Variants in DLGAP2 observed in about 807,000 individuals in gnomAD.
DLGAP2 encodes the protein DLG associated protein 2.
DLGAP2 carries 26 observed loss-of-function variants against 100.3 expected under a neutral mutation model. That is an observed-to-expected ratio of 0.26 (90% CI 0.19 to 0.36). The LOEUF (loss-of-function observed/expected upper bound fraction) is 0.36. Ranked by LOEUF, DLGAP2 falls within the 10% of genes least tolerant of loss-of-function variation. The probability of loss-of-function intolerance (pLI) is 1.00; values close to 1 mark genes in which losing one functional copy is unlikely to be tolerated. For synonymous variants in DLGAP2, 886 were observed against 630.1 expected (o/e 1.41, Z -6.08); for missense variants, 1,858 against 1,453.2 (o/e 1.28, Z -4.53).
intron 2 of DLGAP2, among the ~76,000 whole-genome samples, chr8:1,045,384 A>G (rs1802487160): frequency 1.3e-5 from 2 of 152,238 alleles, no homozygotes; most frequent in Admixed American, 1.3e-4. Flanking sequence ...TGATAAATAC[A>G]AATTGTATAT....
intron 3 of DLGAP2, among the ~76,000 whole-genome samples, chr8:1,292,533 A>T (rs1800082502): frequency 6.6e-6 from 1 of 152,220 alleles, no homozygotes; most frequent in South Asian, 2.1e-4. Flanking sequence ...TGTTCATTTT[A>T]TACCTTTGTT....
intron 1 of DLGAP2, among the ~76,000 whole-genome samples, chr8:851,772 G>T (rs1401435404): frequency 6.6e-6 from 1 of 152,176 alleles, no homozygotes; most frequent in Non-Finnish European, 1.5e-5. Flanking sequence ...CACGCCACGT[G>T]CCCCGCAGCC....
chr8:1,333,450 C>T (rs1199124972), intron 3 of DLGAP2, among the ~76,000 whole-genome samples: 1 of 152,172 alleles, frequency 6.6e-6, no homozygotes, highest in Admixed American at 6.5e-5. Flanking sequence ...GACACTTTCC[C>T]ATCCCGTCAT....
At chr8:1,259,955 A>G (rs1042593380) in intron 3 of DLGAP2, 1 of 152,212 alleles carries the variant, frequency 6.6e-6, no homozygotes, top group South Asian at 2.1e-4. Flanking sequence ...AAAGTCAGTC[A>G]CTGTACATTT....
intron 3 of DLGAP2, among the ~76,000 whole-genome samples, chr8:1,384,172 C>A (rs1292244617): frequency 6.6e-6 from 1 of 152,238 alleles, no homozygotes; most frequent in Admixed American, 6.5e-5. Flanking sequence ...TTACTGTGAC[C>A]AAAGGATTCA....
At chr8:1,669,489 A>G (rs1798634066) in intron 9 of DLGAP2, among the ~76,000 whole-genome samples, 2 of 152,236 alleles carry the variant, frequency 1.3e-5, no homozygotes, top group South Asian at 4.1e-4. Flanking sequence ...CTGGCCGTCA[A>G]GCCCTCTGCC....
chr8:1,131,658 A>G (rs1454039106), intron 2 of DLGAP2, among the ~76,000 whole-genome samples: 2 of 150,960 alleles, frequency 1.3e-5, no homozygotes, highest in Non-Finnish European at 2.9e-5. Flanking sequence ...GTGCTGTTCC[A>G]CATTAGGTGA....
intron 7 of DLGAP2, 131 bp downstream of exon 7, chr8:1,627,018 G>T (rs1797523318): frequency 3.4e-5 from 39 of 1,151,234 alleles, no homozygotes; most frequent in Non-Finnish European, 4.3e-5. Flanking sequence ...CTACACCAAA[G>T]GGGGTTCCCC....
At chr8:779,212 G>A (rs1367597660) in intron 1 of DLGAP2, among the ~76,000 whole-genome samples, 6 of 152,292 alleles carry the variant, frequency 3.9e-5, no homozygotes, top group East Asian at 1.9e-4. Flanking sequence ...CGCATGGTGC[G>A]CGCACCCACT....
At chr8:1,486,034 T>C (rs1563177471) in intron 3 of DLGAP2, among the ~76,000 whole-genome samples, 1 of 152,022 alleles carries the variant, frequency 6.6e-6, no homozygotes, top group Non-Finnish European at 1.5e-5. Flanking sequence ...CTCAAAAAAT[T>C]ATAATAATTT....
At chr8:1,371,265 C>T (rs532981747) in intron 3 of DLGAP2, among the ~76,000 whole-genome samples, 6 of 152,324 alleles carry the variant, frequency 3.9e-5, no homozygotes, top group Admixed American at 6.5e-5. Flanking sequence ...TGTCTTTAGC[C>T]GTAAGCCTTT....
In DLGAP2 at chr8:1,632,910, C is replaced by T. The variant is rs755779128; in HGVS notation, c.1674C>T (p.Ala558=). The T allele has an allele frequency of 1.2e-6, 2 of 1,613,940 alleles. No individual in the cohort carries two copies. Among genetic ancestry groups the T allele is most frequent in the East Asian group, 2.2e-5 (1 of 44,874 alleles). ...FSEVESQAMD[A]LDLPGCFRTR... ...AAGTTGAATCTCAGGCCATGGATGC[C>T]CTCGACCTCCCGGGATGTTTCCGAA... Residue 558 remains alanine (A), a synonymous_variant, in exon 8 of 15, where the codon GCC becomes GCT. Transcript: ENST00000637795.
intron 1 of DLGAP2, among the ~76,000 whole-genome samples, chr8:847,332 T>G (rs114238350): frequency 1.3e-5 from 2 of 152,224 alleles, no homozygotes; most frequent in Admixed American, 6.5e-5. Context: ...TCCCTTTTCA[T>G]TGATACCGGC....
chr8:1,652,779 C>T (rs767905980), intron 8 of DLGAP2, among the ~76,000 whole-genome samples: 13 of 152,062 alleles, frequency 8.5e-5, no homozygotes, highest in South Asian at 2.1e-4. Flanking sequence ...GAATAACATG[C>T]GAGACAGACA....
At chr8:1,151,557 C>A (rs139951420) in intron 2 of DLGAP2, among the ~76,000 whole-genome samples, 2 of 152,154 alleles carry the variant, frequency 1.3e-5, no homozygotes, top group African/African-American at 2.4e-5. Context: ...CTGACGATTC[C>A]GGTTGTTCTT....
At chr8:1,670,409 C>A (rs1007296843) in intron 10 of DLGAP2, among the ~76,000 whole-genome samples, 48 of 152,216 alleles carry the variant, frequency 3.2e-4, no homozygotes, top group Non-Finnish European at 6.3e-4. Context: ...ACAGGCTTCT[C>A]CTCATCCCCC....
intron 2 of DLGAP2, among the ~76,000 whole-genome samples, chr8:1,108,304 G>A (rs975940031): frequency 2.6e-5 from 4 of 152,188 alleles, no homozygotes; most frequent in Non-Finnish European, 5.9e-5. Flanking sequence ...AGAAGACAGT[G>A]CAGTCAATTT....
At chr8:853,853 C>A (rs191275323) in intron 1 of DLGAP2, among the ~76,000 whole-genome samples, 53 of 152,196 alleles carry the variant, frequency 3.5e-4, no homozygotes, top group African/African-American at 1.2e-3. Context: ...AGGTTTGTCC[C>A]CCAGATTCAT....
At chr8:783,219 A>G (rs1299174013) in intron 1 of DLGAP2, among the ~76,000 whole-genome samples, 1 of 152,222 alleles carries the variant, frequency 6.6e-6, no homozygotes, top group Non-Finnish European at 1.5e-5. Flanking sequence ...GGAGGAATGT[A>G]AGAATCAAAC....
Sources: gnomAD v4.1 joint callset for allele counts (sites outside exome capture counted in the v4.1 genomes callset) on GRCh38, gnomAD v4.1.1 for gene constraint, MANE v1.5 for transcripts, NCBI Gene and HGNC (gene_info 2026-07-23, HGNC 2026-07-21) for gene names.